ZDHHC11B: variants seen among roughly 807,000 people sequenced by gnomAD.
The protein encoded by ZDHHC11B is probable palmitoyltransferase ZDHHC11B.
A neutral mutation model predicts 42.3 loss-of-function variants in ZDHHC11B; 17 were observed. The observed-to-expected ratio is 0.40, with a 90% CI of 0.27 to 0.60. The LOEUF (loss-of-function observed/expected upper bound fraction) is 0.60. Ranked by LOEUF, ZDHHC11B falls within the 20% of genes least tolerant of loss-of-function variation. ZDHHC11B has a pLI of 0.41. For missense variants in ZDHHC11B, 262 were observed against 463.2 expected (o/e 0.57, Z 3.99); for synonymous variants, 123 against 193.5 (o/e 0.64, Z 3.02).
At chr5:728,464 CTT>C (rs1262968964) in intron 12 of ZDHHC11B, among the ~76,000 whole-genome samples, 2 of 151,856 alleles carry the variant, frequency 1.3e-5, no homozygotes, top group Admixed American at 6.6e-5. Flanking sequence ...TGGTCATAAA[CTT>C]AATATCCTGT....
chr5:749,783 G>C (rs1410151453), intron 7 of ZDHHC11B, among the ~76,000 whole-genome samples: 57 of 128,864 alleles, frequency 4.4e-4, no homozygotes, highest in African/African-American at 1.4e-3. Context: ...ATCCCCCACA[G>C]GGAGAGCCCA....
chr5:733,113 C>T (rs1307833189), intron 11 of ZDHHC11B, among the ~76,000 whole-genome samples: 1 of 151,250 alleles, frequency 6.6e-6, no homozygotes, highest in Non-Finnish European at 1.5e-5. Flanking sequence ...AGAGCAGGAA[C>T]AGAAATATGT....
At chr5:779,263 C>T (rs1376811266) in intron 1 of ZDHHC11B, among the ~76,000 whole-genome samples, 14 of 150,678 alleles carry the variant, frequency 9.3e-5, no homozygotes, top group East Asian at 1.9e-4. Flanking sequence ...GATGCCTGGA[C>T]GCTGGGCTTC....
intron 12 of ZDHHC11B, among the ~76,000 whole-genome samples, chr5:724,021 C>T (rs1379241895): frequency 6.8e-6 from 1 of 146,600 alleles, no homozygotes; most frequent in African/African-American, 2.5e-5. Flanking sequence ...CTGCATCTGC[C>T]CTCCTCTCCT....
At chr5:773,125 A>T (rs536408938) in intron 1 of ZDHHC11B, among the ~76,000 whole-genome samples, 1 of 151,916 alleles carries the variant, frequency 6.6e-6, no homozygotes, top group South Asian at 2.1e-4. Context: ...GACGGTAATA[A>T]GAATACATTT....
At chr5:751,326 TGGGGGGCACGGGGGCAG>T in intron 6 of ZDHHC11B, 69 bp from the exon 7 acceptor site, 1 of 27,390 alleles carries the variant, frequency 3.7e-5, no homozygotes, top group Non-Finnish European at 1.0e-4. Context: ...GGGGCAGGTG[TGGGGGGCACGGGGGCAG>T]GGGGTGTGCA....
chr5:783,766 C>G (rs1442016777), intron 1 of ZDHHC11B, among the ~76,000 whole-genome samples: 2 of 76,114 alleles, frequency 2.6e-5, no homozygotes, highest in African/African-American at 9.2e-5. Flanking sequence ...AAATACCCAT[C>G]AAAACAGCAG....
At chr5:742,224 T>A (rs1364138513) in intron 9 of ZDHHC11B, among the ~76,000 whole-genome samples, 2 of 139,982 alleles carry the variant, frequency 1.4e-5, no homozygotes, top group African/African-American at 5.3e-5. Flanking sequence ...CCTCAAGCAA[T>A]CCTCTTGCTT....
Position 716,803 on chromosome 5 carries a change from G to A in ZDHHC11B, c.*5C>T, listed in dbSNP as rs772252670. 1.7e-5 allele frequency: 27 copies of A among 1,612,900 alleles called. No homozygotes were observed. Among genetic ancestry groups the A allele is most frequent in the East Asian group, 2.2e-5 (1 of 44,864 alleles). On this transcript the variant is annotated splice_region_variant and 3_prime_UTR_variant, in exon 13 of 14. Transcript: ENST00000508859. Reference sequence around the variant, plus strand: ...ACCTGCACTGCCACGTATCTTACCCGAATCTCAGTCTTCACTTTCAGCACT... The same window carrying A: ...ACCTGCACTGCCACGTATCTTACCCAAATCTCAGTCTTCACTTTCAGCACT...
At chr5:754,163 C>A (rs1173619839) in intron 6 of ZDHHC11B, among the ~76,000 whole-genome samples, 2 of 113,044 alleles carry the variant, frequency 1.8e-5, no homozygotes, top group African/African-American at 6.9e-5. Context: ...TGAGCCTCCA[C>A]CATGCTCAGG....
At chr5:712,401 G>C (rs1386464751) in intron 13 of ZDHHC11B, 119 bp from the exon 14 acceptor site, 1 of 148,350 alleles carries the variant, frequency 6.7e-6, no homozygotes, top group Non-Finnish European at 1.5e-5. Flanking sequence ...AGGCAGGGCT[G>C]GTTTCTGCGT....
chr5:761,880 C>T (rs1213702965), intron 4 of ZDHHC11B, among the ~76,000 whole-genome samples: 9 of 151,848 alleles, frequency 5.9e-5, no homozygotes, highest in Non-Finnish European at 1.2e-4. Context: ...CCCCTAGCCC[C>T]AGACAGCCAC....
At chr5:753,107 C>A (rs1488405920) in intron 6 of ZDHHC11B, among the ~76,000 whole-genome samples, 3 of 128,824 alleles carry the variant, frequency 2.3e-5, no homozygotes, top group Non-Finnish European at 5.3e-5. Context: ...CCCAGGACAC[C>A]AGCGCCGCCT....
chr5:716,159 G>T (rs1417027479), intron 13 of ZDHHC11B, among the ~76,000 whole-genome samples: 1 of 151,034 alleles, frequency 6.6e-6, no homozygotes, highest in Admixed American at 6.6e-5. Context: ...CATGTCTCAT[G>T]TTTCTTAGCT....
chr5:758,587 C>T (rs370467232), intron 4 of ZDHHC11B, among the ~76,000 whole-genome samples: 9 of 151,704 alleles, frequency 5.9e-5, no homozygotes, highest in Non-Finnish European at 4.4e-5. Context: ...AGCCCATTCC[C>T]GAGCCAGTCC....
rs1427406226 is a variant in ZDHHC11B at position 747,976 on chromosome 5, A to G, written c.784+428T>C. The G allele has an allele frequency of 2.7e-5, 10 of 376,298 alleles. 1 individual carries two copies. The highest frequency in any genetic ancestry group is 8.9e-5 in the South Asian group (2 of 22,546). 23.3% of individuals were successfully genotyped at this position (376,298 alleles called of 1,614,324 possible). The stretch of plus-strand genomic sequence containing the variant: ...CAGCTCTCGCTTCAGTTGTTTGGTT[A>G]GTGGGTGATCTGCCTGTAATATTTT... On this transcript the variant is annotated intron_variant, in intron 8 of 13. Coordinates refer to ENST00000508859, the MANE Select transcript of ZDHHC11B (RefSeq NM_001351303.2).
At chr5:777,286 C>T (rs6555479) in intron 1 of ZDHHC11B, among the ~76,000 whole-genome samples, 4 of 151,634 alleles carry the variant, frequency 2.6e-5, no homozygotes, top group Admixed American at 6.6e-5. Context: ...CCCGTGGGTT[C>T]CTAGTCTCGC....
chr5:744,870 CA>C (rs375791362), intron 9 of ZDHHC11B, among the ~76,000 whole-genome samples: 3,065 of 129,106 alleles, frequency 0.024, 148 homozygotes, highest in African/African-American at 0.049. Flanking sequence ...GACTCTGTCT[CA>C]AAAAAAAAAA....
At chr5:742,340 G>GT (rs1744254511) in intron 9 of ZDHHC11B, among the ~76,000 whole-genome samples, 4 of 146,612 alleles carry the variant, frequency 2.7e-5, no homozygotes, top group African/African-American at 7.5e-5. Flanking sequence ...TTTGTTTGTT[G>GT]TTTTTTTACA....
Sources: allele counts gnomAD v4.1 joint callset (sites outside exome capture counted in the v4.1 genomes callset), GRCh38; gene constraint gnomAD v4.1.1; transcripts MANE v1.5; gene names NCBI Gene and HGNC (gene_info 2026-07-23, HGNC 2026-07-21).